Variants in PDE1A observed in about 807,000 individuals in gnomAD.
PDE1A encodes the protein dual specificity calcium/calmodulin-dependent 3',5'-cyclic nucleotide phosphodiesterase 1A.
A neutral mutation model predicts 61.7 loss-of-function variants in PDE1A; 35 were observed. The ratio of observed to expected loss-of-function variants is 0.57; its 90% confidence interval spans 0.43 to 0.75. The LOEUF (loss-of-function observed/expected upper bound fraction) is 0.75, where lower values mean the gene tolerates loss of function less well. Ranked by LOEUF, PDE1A falls within the 30% of genes least tolerant of loss-of-function variation. The probability of loss-of-function intolerance (pLI) is 0.00; values close to 1 mark genes in which losing one functional copy is unlikely to be tolerated. For synonymous variants in PDE1A, 232 were observed against 213.2 expected, an observed-to-expected ratio of 1.09 and a Z score of -0.77; for missense variants, 597 against 630.6, an observed-to-expected ratio of 0.95 and a Z score of 0.57.
At chr2:182,375,998 G>A (rs905446440) in intron 1 of PDE1A, among the ~76,000 whole-genome samples, 1 of 152,214 alleles carries the variant, frequency 6.6e-6, no homozygotes, top group Non-Finnish European at 1.5e-5. Context: ...TCCCCAGGCT[G>A]CAAGCAGCAT....
chr2:182,508,030 TG>T (rs1453507493), intron 2 of PDE1A, among the ~76,000 whole-genome samples: 1 of 152,040 alleles, frequency 6.6e-6, no homozygotes, highest in African/African-American at 2.4e-5. Context: ...AGCATTCTTA[TG>T]TGCTTAAGTT....
chr2:182,456,918 CTT>C (rs547596518), intron 2 of PDE1A, among the ~76,000 whole-genome samples: 179 of 152,060 alleles, frequency 1.2e-3, no homozygotes, highest in Non-Finnish European at 1.3e-3. Flanking sequence ...AAAATACAAT[CTT>C]TTATATTGCA....
chr2:182,589,463 T>C, the PDE1A span, among the ~76,000 whole-genome samples: 2 of 152,086 alleles, frequency 1.3e-5, no homozygotes, highest in Admixed American at 6.5e-5. Context: ...TAAAGAAAGA[T>C]GTCCATTATG....
chr2:182,351,228 T>C lies in PDE1A; in HGVS notation c.53+75350A>G, dbSNP rs969351715. Reference sequence around the variant, plus strand: ...CAATTTTGTCCTCTTAGTTCATTGCTTCTACAGCTTAACCTGTGTTTCCCA... The same window carrying C: ...CAATTTTGTCCTCTTAGTTCATTGCCTCTACAGCTTAACCTGTGTTTCCCA... On this transcript the variant is annotated intron_variant, in intron 1 of 13. Coordinates refer to ENST00000351439, the Ensembl canonical transcript of PDE1A. Among the ~76,000 whole-genome samples, 3 of 152,228 alleles carry C rather than the reference T, an allele frequency of 2.0e-5. No homozygotes were observed. The East Asian group carries it at 5.8e-4, about 29-fold the overall frequency.
At chr2:182,477,668 T>C (rs1320238794) in intron 2 of PDE1A, among the ~76,000 whole-genome samples, 2 of 151,928 alleles carry the variant, frequency 1.3e-5, no homozygotes, top group Admixed American at 6.6e-5. Context: ...TTTAATTTCA[T>C]GCCACAAAAC....
chr2:182,329,191 T>C (rs562053503), intron 1 of PDE1A, among the ~76,000 whole-genome samples: 1 of 152,294 alleles, frequency 6.6e-6, no homozygotes, highest in Admixed American at 6.5e-5. Context: ...AAAATTTAAA[T>C]TGCCAACCTC....
intron 2 of PDE1A, among the ~76,000 whole-genome samples, chr2:182,261,602 C>T (rs1559266314): frequency 6.6e-6 from 1 of 152,038 alleles, no homozygotes; most frequent in Non-Finnish European, 1.5e-5. Context: ...AGCAGGGCAG[C>T]GTTGTGCTCA....
chr2:182,708,352 T>C, the PDE1A span, among the ~76,000 whole-genome samples: 1 of 152,068 alleles, frequency 6.6e-6, no homozygotes, highest in Non-Finnish European at 1.5e-5. Context: ...ATTATGTTAT[T>C]ATGAAAAAAT....
rs117242952 is a variant in PDE1A, at chr2:182,508,167, A to G, written c.101+14109T>C. ...TTATCTCAATAGATTCAAAAAAATC[A>G]TTCAACAAAATTCAACATTCTTTTA... On this transcript the variant is annotated intron_variant, in intron 2 of 14. Coordinates refer to the PDE1A transcript ENST00000410103. Among the ~76,000 whole-genome samples, 142 of 152,074 alleles carry G rather than the reference A, an allele frequency of 9.3e-4. 1 individual carries two copies. In the East Asian group the frequency reaches 0.022, roughly 24 times the overall value.
chr2:182,293,154 G>C (rs982188013), intron 1 of PDE1A, among the ~76,000 whole-genome samples: 1 of 152,058 alleles, frequency 6.6e-6, no homozygotes, highest in Non-Finnish European at 1.5e-5. Context: ...ACAGTCATCA[G>C]TTACCCTCTG....
At chr2:182,191,856 T>A (rs1055154443) in intron 10 of PDE1A, among the ~76,000 whole-genome samples, 1 of 151,106 alleles carries the variant, frequency 6.6e-6, no homozygotes, top group Non-Finnish European at 1.5e-5. Flanking sequence ...CTTTTTTTTT[T>A]TATTTTTTTA....
chr2:182,420,085 A>T (rs1703180396), intron 1 of PDE1A, among the ~76,000 whole-genome samples: 1 of 152,084 alleles, frequency 6.6e-6, no homozygotes, highest in South Asian at 2.1e-4. Flanking sequence ...AGAGATGCAC[A>T]GCAGAAGAGG....
the PDE1A span, among the ~76,000 whole-genome samples, chr2:182,573,432 C>T: frequency 6.6e-6 from 1 of 152,094 alleles, no homozygotes; most frequent in African/African-American, 2.4e-5. Context: ...TTTCTCAAGA[C>T]AGCTATACTA....
intron 2 of PDE1A, among the ~76,000 whole-genome samples, chr2:182,486,689 A>T (rs908759290): frequency 6.6e-6 from 1 of 152,112 alleles, no homozygotes; most frequent in East Asian, 1.9e-4. Context: ...GAAATGGATG[A>T]TCTTTTCAAC....
chr2:182,187,742 T>TC (rs1255814415), intron 11 of PDE1A, among the ~76,000 whole-genome samples: 3 of 125,492 alleles, frequency 2.4e-5, no homozygotes, highest in Non-Finnish European at 5.1e-5. Flanking sequence ...TTGTTCTTTT[T>TC]TTTTTTTTTT....
intron 1 of PDE1A, among the ~76,000 whole-genome samples, chr2:182,348,545 T>C (rs929317810): frequency 2.6e-5 from 4 of 152,138 alleles, no homozygotes; most frequent in African/African-American, 9.7e-5. Context: ...TCTTCGCACA[T>C]GTTCCAGCTA....
chr2:182,318,655 G>A (rs1009301550), intron 1 of PDE1A, among the ~76,000 whole-genome samples: 1 of 152,056 alleles, frequency 6.6e-6, no homozygotes, highest in African/African-American at 2.4e-5. Context: ...TTCACCCACA[G>A]GACCACAGCT....
chr2:182,485,588 C>A (rs1687969424), intron 2 of PDE1A, among the ~76,000 whole-genome samples: 1 of 151,708 alleles, frequency 6.6e-6, no homozygotes, highest in African/African-American at 2.4e-5. Flanking sequence ...GTGAAAGATG[C>A]AGAAAACAAA....
At chr2:182,297,653 G>T (rs1694976430) in intron 1 of PDE1A, among the ~76,000 whole-genome samples, 1 of 152,170 alleles carries the variant, frequency 6.6e-6, no homozygotes, top group African/African-American at 2.4e-5. Context: ...TATCTGTTCA[G>T]CCTTTACCAT....
Sources: allele counts gnomAD v4.1 joint callset (sites outside exome capture counted in the v4.1 genomes callset), GRCh38; gene constraint gnomAD v4.1.1; transcripts MANE v1.5; gene names NCBI Gene and HGNC (gene_info 2026-07-23, HGNC 2026-07-21).